The following GALNT13 variants were observed in gnomAD, a reference collection of about 807,000 sequenced individuals.
GALNT13 encodes the protein UDP-GalNAc:polypeptide N-acetylgalactosaminyltransferase 13.
GALNT13 carries 28 observed loss-of-function variants against 64.2 expected under a neutral mutation model. The observed-to-expected ratio is 0.44, with a 90% CI of 0.32 to 0.60. GALNT13 has a LOEUF of 0.60. Ranked by LOEUF, GALNT13 falls within the 20% of genes least tolerant of loss-of-function variation. The pLI, the probability that GALNT13 is intolerant of heterozygous loss-of-function variation, is 0.05. For missense variants in GALNT13, 577 were observed against 669.8 expected (o/e 0.86, Z 1.53); for synonymous variants, 214 against 224.6 (o/e 0.95, Z 0.42).
intron 8 of GALNT13, among the ~76,000 whole-genome samples, chr2:154,298,725 T>TA (rs1429511931): frequency 2.0e-5 from 2 of 97,906 alleles, no homozygotes; most frequent in African/African-American, 7.4e-5. Flanking sequence ...ATAAATTATA[T>TA]TATTTATATA....
the GALNT13 span, among the ~76,000 whole-genome samples, chr2:153,452,946 A>C: frequency 6.6e-6 from 1 of 152,180 alleles, no homozygotes; most frequent in African/African-American, 2.4e-5. Context: ...ATGGCACAGA[A>C]TAGAGAACCC....
At chr2:154,387,390 A>G (rs1462290858) in intron 9 of GALNT13, among the ~76,000 whole-genome samples, 1 of 152,166 alleles carries the variant, frequency 6.6e-6, no homozygotes, top group Non-Finnish European at 1.5e-5. Flanking sequence ...AGTATGGAAT[A>G]AATAAATCAA....
chr2:154,422,274 G>A (rs1700287405), intron 11 of GALNT13, among the ~76,000 whole-genome samples: 1 of 152,076 alleles, frequency 6.6e-6, no homozygotes, highest in Non-Finnish European at 1.5e-5. Flanking sequence ...AAATGACACT[G>A]TGAATTCAGC....
At chr2:153,729,650 A>G in the GALNT13 span, among the ~76,000 whole-genome samples, 1 of 152,046 alleles carries the variant, frequency 6.6e-6, no homozygotes, top group African/African-American at 2.4e-5. Flanking sequence ...AGAGCAATTA[A>G]AGAGGAGAAA....
At chr2:154,327,954 T>C (rs1303539209) in intron 9 of GALNT13, among the ~76,000 whole-genome samples, 1 of 152,184 alleles carries the variant, frequency 6.6e-6, no homozygotes, top group African/African-American at 2.4e-5. Context: ...TTTCACTTTA[T>C]ATTTTGTTAA....
chr2:153,283,983 G>T, the GALNT13 span, among the ~76,000 whole-genome samples: 1 of 152,140 alleles, frequency 6.6e-6, no homozygotes, highest in Admixed American at 6.5e-5. Context: ...GCTCAGGAAG[G>T]ATGGGGTGGC....
the GALNT13 span, among the ~76,000 whole-genome samples, chr2:153,321,165 C>T: frequency 6.6e-6 from 1 of 152,214 alleles, no homozygotes; most frequent in African/African-American, 2.4e-5. Flanking sequence ...GAATAGTGTA[C>T]ATTTTAAAGT....
the GALNT13 span, among the ~76,000 whole-genome samples, chr2:153,842,156 T>A: frequency 6.6e-6 from 1 of 151,968 alleles, no homozygotes; most frequent in Admixed American, 6.6e-5. Context: ...GGGGGAATAA[T>A]CTCTCCTACA....
chr2:154,022,673 G>C (rs991532148), intron 3 of GALNT13, among the ~76,000 whole-genome samples: 3 of 152,020 alleles, frequency 2.0e-5, no homozygotes, highest in Non-Finnish European at 4.4e-5. Flanking sequence ...TTTTTTGGAG[G>C]GCTTTTTGTG....
At chr2:153,402,201 G>A in the GALNT13 span, among the ~76,000 whole-genome samples, 6 of 149,436 alleles carry the variant, frequency 4.0e-5, no homozygotes, top group African/African-American at 1.5e-4. Context: ...TAGTTTGGCT[G>A]GATATGAAAT....
At chr2:154,415,131 C>A in intron 11 of GALNT13, among the ~76,000 whole-genome samples, 1 of 138,908 alleles carries the variant, frequency 7.2e-6, no homozygotes, top group Non-Finnish European at 1.7e-5. Context: ...AAAACCCCAT[C>A]TCTAGAAAAA....
At chr2:153,408,604 G>A in the GALNT13 span, among the ~76,000 whole-genome samples, 54 of 152,066 alleles carry the variant, frequency 3.6e-4, no homozygotes, top group Non-Finnish European at 4.9e-4. Context: ...CGATTTACTC[G>A]CAGAGCTCAG....
chr2:153,726,725 G>T, the GALNT13 span, among the ~76,000 whole-genome samples: 1 of 152,044 alleles, frequency 6.6e-6, no homozygotes, highest in East Asian at 1.9e-4. Flanking sequence ...CGGATCACAA[G>T]GTCAGGAGAT....
In GALNT13 at chr2:154,267,253, A is replaced by G. The variant is rs78579755; in HGVS notation, c.975+8115A>G. Among the ~76,000 whole-genome samples the G allele has an allele frequency of 3.2e-3, 486 of 152,312 alleles. 1 individual carries two copies. The highest frequency in any genetic ancestry group is 0.011 in the African/African-American group (449 of 41,580). On this transcript the variant is annotated intron_variant, in intron 8 of 12. Transcript: ENST00000392825. The stretch of plus-strand genomic sequence containing the variant: ...ACATAGGAGAAGAACTTGTGTAACC[A>G]TTGATTAGACAAATATTCCTTAGAT...
the GALNT13 span, among the ~76,000 whole-genome samples, chr2:153,122,755 G>A: frequency 1.3e-5 from 2 of 152,098 alleles, no homozygotes; most frequent in African/African-American, 4.8e-5. Context: ...GGGGATGAAA[G>A]GTTCTTATGG....
At chr2:153,211,783 A>G in the GALNT13 span, among the ~76,000 whole-genome samples, 2 of 152,176 alleles carry the variant, frequency 1.3e-5, no homozygotes, top group Non-Finnish European at 2.9e-5. Context: ...AGCTGAGTAT[A>G]TAGTCATCAG....
rs868658560 is a variant in GALNT13, at chr2:154,298,648, T to A, written c.976-2761T>A. On this transcript the variant is annotated intron_variant, in intron 8 of 12. Coordinates refer to ENST00000392825, the MANE Select transcript of GALNT13 (RefSeq NM_052917.4). Reference sequence around the variant, plus strand: ...ATTGTATATATAATTTATATATACATTGTATATACAATTTATATATACATT... The same window carrying A: ...ATTGTATATATAATTTATATATACAATGTATATACAATTTATATATACATT... Among the ~76,000 whole-genome samples, 110 of 25,120 alleles carry A rather than the reference T, an allele frequency of 4.4e-3. 9 individuals are homozygous for A. Among genetic ancestry groups the A allele is most frequent in the African/African-American group, 8.6e-3 (55 of 6,384 alleles). The allele number at this position is 25,120 out of a possible 152,430, so 16.5% of individuals were successfully genotyped here. A position where few individuals can be genotyped will look rare whatever the true frequency, so the allele number is the denominator to read the frequency against.
chr2:154,210,851 C>T (rs1173061494), intron 4 of GALNT13, among the ~76,000 whole-genome samples: 1 of 151,976 alleles, frequency 6.6e-6, no homozygotes. Context: ...AAGATGGAAT[C>T]AAGATATATT....
chr2:154,243,753 A>G (rs991740631), intron 6 of GALNT13, among the ~76,000 whole-genome samples: 1 of 152,206 alleles, frequency 6.6e-6, no homozygotes, highest in Non-Finnish European at 1.5e-5. Context: ...AAAACATTAC[A>G]TAACACCATA....
Sources: gnomAD v4.1 joint callset for allele counts (sites outside exome capture counted in the v4.1 genomes callset) on GRCh38, gnomAD v4.1.1 for gene constraint, MANE v1.5 for transcripts, NCBI Gene and HGNC (gene_info 2026-07-23, HGNC 2026-07-21) for gene names.